Variants in MSRA observed in about 807,000 individuals in gnomAD.
MSRA encodes the protein mitochondrial peptide methionine sulfoxide reductase.
In MSRA, 54 loss-of-function variants were observed where a neutral mutation model predicts 31.3. The observed-to-expected ratio is 1.73, with a 90% CI of 1.39 to 2.17. The LOEUF is 2.17. Among genes scored for constraint, MSRA ranks in the 30% most tolerant of loss-of-function variants. The pLI is 0.00. For missense variants in MSRA, 507 were observed against 300.9 expected, an observed-to-expected ratio of 1.69 and a Z score of -5.07; for synonymous variants, 169 against 116.5, an observed-to-expected ratio of 1.45 and a Z score of -2.90.
intron 3 of MSRA, among the ~76,000 whole-genome samples, chr8:10,256,971 C>T (rs1798217542): frequency 6.6e-6 from 1 of 152,142 alleles, no homozygotes; most frequent in Admixed American, 6.5e-5. Flanking sequence ...TTATACATTT[C>T]TTTCCTTCAT....
chr8:10,406,824 T>C (rs1038690887), intron 5 of MSRA, among the ~76,000 whole-genome samples: 3 of 152,236 alleles, frequency 2.0e-5, no homozygotes, highest in East Asian at 1.9e-4. Flanking sequence ...AGGCCCATGC[T>C]AGGATGGCCC....
chr8:10,391,248 A>G (rs528235787), intron 5 of MSRA, among the ~76,000 whole-genome samples: 26 of 152,294 alleles, frequency 1.7e-4, no homozygotes, highest in African/African-American at 6.3e-4. Flanking sequence ...AAAGAGGTTT[A>G]TTTCTCATTG....
At chr8:10,395,745 C>T (rs763376742) in intron 5 of MSRA, among the ~76,000 whole-genome samples, 4 of 152,202 alleles carry the variant, frequency 2.6e-5, no homozygotes, top group African/African-American at 9.6e-5. Flanking sequence ...GCACCAGACA[C>T]TGGGAAACCC....
intron 4 of MSRA, among the ~76,000 whole-genome samples, chr8:10,316,724 A>G (rs1801748214): frequency 6.6e-6 from 1 of 152,182 alleles, no homozygotes; most frequent in Non-Finnish European, 1.5e-5. Context: ...TGAGATGGTT[A>G]TATTCATAGG....
At chr8:10,134,917 G>T (rs535433844) in intron 1 of MSRA, among the ~76,000 whole-genome samples, 15 of 152,350 alleles carry the variant, frequency 9.8e-5, no homozygotes, top group Middle Eastern at 6.8e-3. Flanking sequence ...CGGAGTGTTT[G>T]TTGTGTAGCC....
intron 1 of MSRA, among the ~76,000 whole-genome samples, chr8:10,071,099 T>G (rs943347651): frequency 6.6e-6 from 1 of 152,218 alleles, no homozygotes; most frequent in African/African-American, 2.4e-5. Flanking sequence ...CCAGAGTTCT[T>G]CAGTTTGATA....
chr8:10,400,018 A>C (rs1807349688), intron 5 of MSRA, among the ~76,000 whole-genome samples: 1 of 152,186 alleles, frequency 6.6e-6, no homozygotes, highest in South Asian at 2.1e-4. Flanking sequence ...TGAAGGTTAA[A>C]ATGAATATGG....
At chr8:10,370,109 C>T (rs940015885) in intron 5 of MSRA, among the ~76,000 whole-genome samples, 2 of 152,194 alleles carry the variant, frequency 1.3e-5, no homozygotes, top group Non-Finnish European at 2.9e-5. Flanking sequence ...CAACATTTGT[C>T]TCGTGTTTTG....
chr8:10,107,239 C>G (rs193207194), intron 1 of MSRA, among the ~76,000 whole-genome samples: 133 of 151,934 alleles, frequency 8.8e-4, no homozygotes, highest in Admixed American at 2.0e-3. Flanking sequence ...GAACATGGAT[C>G]TTTCAGAATA....
intron 4 of MSRA, among the ~76,000 whole-genome samples, chr8:10,305,595 A>G (rs1801091833): frequency 6.6e-6 from 1 of 151,818 alleles, no homozygotes; most frequent in Admixed American, 6.6e-5. Context: ...TGTATTTTTC[A>G]TAGAGATGGG....
chr8:10,269,416 C>T (rs921578710), intron 3 of MSRA, among the ~76,000 whole-genome samples: 5 of 152,188 alleles, frequency 3.3e-5, no homozygotes, highest in Non-Finnish European at 4.4e-5. Flanking sequence ...AGAAACAACC[C>T]GTGTTACCAC....
chr8:10,425,758 G>A (rs186374312), intron 5 of MSRA, among the ~76,000 whole-genome samples: 165 of 152,368 alleles, frequency 1.1e-3, no homozygotes, highest in Middle Eastern at 3.4e-3. Context: ...GTGGGCAAGA[G>A]CACACCCGGG....
chr8:10,172,637 G>A (rs1320212921), intron 1 of MSRA, among the ~76,000 whole-genome samples: 1 of 152,140 alleles, frequency 6.6e-6, no homozygotes, highest in Non-Finnish European at 1.5e-5. Context: ...GGCTCCACTT[G>A]ATATTGTAAA....
intron 1 of MSRA, among the ~76,000 whole-genome samples, chr8:10,118,877 A>G (rs1800887447): frequency 6.6e-6 from 1 of 152,198 alleles, no homozygotes; most frequent in Non-Finnish European, 1.5e-5. Flanking sequence ...TTCTTTGGGA[A>G]GAGGACATTG....
intron 1 of MSRA, among the ~76,000 whole-genome samples, chr8:10,077,980 T>A (rs1798078650): frequency 6.6e-6 from 1 of 152,234 alleles, no homozygotes; most frequent in Non-Finnish European, 1.5e-5. Flanking sequence ...TATTTTCAGT[T>A]TTGTGCTTAA....
intron 1 of MSRA, among the ~76,000 whole-genome samples, chr8:10,192,361 C>G (rs991378565): frequency 6.6e-6 from 1 of 152,202 alleles, no homozygotes; most frequent in Non-Finnish European, 1.5e-5. Context: ...AACCAGTGAG[C>G]GGTAGAGTGG....
At chr8:10,102,538 A>G (rs1020088423) in intron 1 of MSRA, among the ~76,000 whole-genome samples, 2 of 152,210 alleles carry the variant, frequency 1.3e-5, no homozygotes, top group Admixed American at 1.3e-4. Flanking sequence ...CATGTTTATA[A>G]TGGCTACTTT....
rs558920183 is a variant in MSRA, at chr8:10,207,821, T to C, written c.143-12T>C. ...TACACTTAAACTTGCATTTCTTTTT[T>C]TTTTTTTCTAGCCAAACATCATGTC... is the stretch of plus-strand genomic sequence containing the variant. On this transcript the variant is annotated splice_polypyrimidine_tract_variant and intron_variant, in intron 1 of 5. Coordinates refer to ENST00000317173, the MANE Select transcript of MSRA (RefSeq NM_012331.5). The C allele has an allele frequency of 8.1e-6, 13 of 1,603,982 alleles. No homozygotes were observed. The highest frequency in any genetic ancestry group is 7.9e-5 in the South Asian group (7 of 88,722).
intron 3 of MSRA, among the ~76,000 whole-genome samples, chr8:10,266,463 C>A (rs1418486525): frequency 6.6e-6 from 1 of 152,114 alleles, no homozygotes; most frequent in Non-Finnish European, 1.5e-5. Context: ...TTTGACAGCT[C>A]TTGATATATT....
Sources: allele counts gnomAD v4.1 joint callset (sites outside exome capture counted in the v4.1 genomes callset), GRCh38; gene constraint gnomAD v4.1.1; transcripts MANE v1.5; gene names NCBI Gene and HGNC (gene_info 2026-07-23, HGNC 2026-07-21).